The following RAET1L variants were observed in gnomAD, a reference collection of about 807,000 sequenced individuals.
RAET1L encodes the protein UL16-binding protein 6.
In RAET1L, 16 loss-of-function variants were observed where a neutral mutation model predicts 23.9. That is an observed-to-expected ratio of 0.67 (90% confidence interval 0.45 to 1.02). The LOEUF (loss-of-function observed/expected upper bound fraction) is 1.02, where lower values mean the gene tolerates loss of function less well. Ranked by LOEUF, RAET1L falls within the 50% of genes least tolerant of loss-of-function variation. RAET1L has a pLI of 0.00. For missense variants in RAET1L, 233 were observed against 304.0 expected (o/e 0.77, Z 1.74); for synonymous variants, 70 against 111.2 (o/e 0.63, Z 2.33).
chr6:150,021,401 C>T (rs1214157429), intron 2 of RAET1L, among the ~76,000 whole-genome samples: 11 of 137,712 alleles, frequency 8.0e-5, no homozygotes, highest in Admixed American at 1.5e-4. Flanking sequence ...TGCAGTGGCG[C>T]GATCTCGGCT....
At chr6:150,023,855 A>G (rs1232432237) in intron 1 of RAET1L, among the ~76,000 whole-genome samples, 8 of 152,222 alleles carry the variant, frequency 5.3e-5, no homozygotes, top group Non-Finnish European at 1.2e-4. Context: ...ATGCATATAA[A>G]GAAGGCCCCA....
intron 1 of RAET1L, 39 bp downstream of exon 1, chr6:150,025,348 T>C (rs1465655649): frequency 1.3e-6 from 2 of 1,572,880 alleles, no homozygotes; most frequent in Non-Finnish European, 1.7e-6. Context: ...TCCCTCAGGT[T>C]TGGCCCCCGC....
chr6:150,025,486 G>A lies in RAET1L; in HGVS notation c.-15C>T, dbSNP rs1396031997. ...GCTGCTGCCATTGGGGACCAGGAGG[G>A]CTGGGGACAAGAGATTTAATCAAGG... is the stretch of plus-strand genomic sequence containing the variant. On this transcript the variant is annotated 5_prime_UTR_variant, in exon 1 of 5. Transcript: ENST00000367341. The A allele has an allele frequency of 1.2e-6, 2 of 1,607,568 alleles. No homozygotes were observed. Among genetic ancestry groups the A allele is most frequent in the African/African-American group, 2.7e-5 (2 of 74,784 alleles).
intron 1 of RAET1L, among the ~76,000 whole-genome samples, chr6:150,023,235 G>C (rs904632418): frequency 6.6e-6 from 1 of 152,106 alleles, no homozygotes; most frequent in Non-Finnish European, 1.5e-5. Context: ...ATAGAACAAA[G>C]GGGTCCAAAG....
intron 3 of RAET1L, among the ~76,000 whole-genome samples, 170 bp downstream of exon 3, chr6:150,020,735 G>A (rs1358264680): frequency 6.6e-6 from 1 of 152,088 alleles, no homozygotes; most frequent in Admixed American, 6.5e-5. Flanking sequence ...AGGAAGAGGA[G>A]GGTGGGAGGG....
intron 2 of RAET1L, among the ~76,000 whole-genome samples, chr6:150,021,488 A>G (rs1368512759): frequency 7.0e-6 from 1 of 142,392 alleles, no homozygotes; most frequent in Non-Finnish European, 1.6e-5. Flanking sequence ...TTTAGTACAG[A>G]CAGGGTTTCA....
chr6:150,018,928 A>C (rs1779854418), intron 4 of RAET1L, 73 bp from the exon 5 acceptor site: 5 of 272,318 alleles, frequency 1.8e-5, no homozygotes. Flanking sequence ...ATCTTTCCCT[A>C]GTCACTCTAT....
In RAET1L at chr6:150,024,327, C is replaced by T. The variant is rs60619591; in HGVS notation, c.85+1060G>A. 6.6e-5 allele frequency among the ~76,000 whole-genome samples: 10 copies of T among 152,252 alleles called. No homozygotes were observed. In the East Asian group the frequency reaches 1.9e-3, roughly 29 times the overall value. ...GGATGGGGCACTGGGACACTGTAAT[C>T]CCCTGATCTGGGATCAGCAACCTAG... On this transcript the variant is annotated intron_variant, in intron 1 of 4. Coordinates refer to ENST00000367341, the MANE Select transcript of RAET1L (RefSeq NM_130900.3).
rs1779845784 is a variant in RAET1L at position 150,018,371 on chromosome 6, C to T, written c.*507G>A. On this transcript the variant is annotated 3_prime_UTR_variant, in exon 5 of 5. Coordinates refer to ENST00000367341, the MANE Select transcript of RAET1L (RefSeq NM_130900.3). ...ATAACTCTTTATTTAAATATCAGTA[C>T]ACAGCAATAAATTACTAAAGGAAAC... The T allele has an allele frequency of 6.6e-6, 1 of 152,142 alleles. No individual in the cohort carries two copies. Among genetic ancestry groups the T allele is most frequent in the African/African-American group, 2.4e-5 (1 of 41,420 alleles). The allele number at this position is 152,142 out of a possible 1,614,324, so 9.4% of individuals were successfully genotyped here.
chr6:150,024,084 C>T (rs565342653), intron 1 of RAET1L, among the ~76,000 whole-genome samples: 2 of 152,254 alleles, frequency 1.3e-5, no homozygotes, highest in South Asian at 2.1e-4. Context: ...CACCACGTGG[C>T]TGCACCCACT....
chr6:150,020,435 C>T (rs990914592), intron 3 of RAET1L, among the ~76,000 whole-genome samples, 196 bp from the exon 4 acceptor site: 2 of 152,104 alleles, frequency 1.3e-5, no homozygotes, highest in African/African-American at 4.8e-5. Flanking sequence ...GGAGCTCACA[C>T]AGCTGCTGAG....
chr6:150,018,450 G>T lies in RAET1L; in HGVS notation c.*428C>A, dbSNP rs931875912. On this transcript the variant is annotated 3_prime_UTR_variant, in exon 5 of 5. Coordinates refer to ENST00000367341, the MANE Select transcript of RAET1L (RefSeq NM_130900.3). ...AAATAATTAAACAATTCTCTTTCAG[G>T]ACATGGAAAGAATCCCTGGAGGTCT... 7 of 152,042 alleles carry T rather than the reference G, an allele frequency of 4.6e-5. No homozygotes were observed. Among genetic ancestry groups the T allele is most frequent in the African/African-American group, 1.7e-4 (7 of 41,380 alleles). The allele number at this position is 152,042 out of a possible 1,614,324, so 9.4% of individuals were successfully genotyped here.
rs973957014 is a variant in RAET1L, at chr6:150,021,234, C to A, written c.350-48G>T. 1.4e-5 allele frequency: 22 copies of A among 1,567,162 alleles called. No individual in the cohort carries two copies. The East Asian group carries it at 3.6e-4, about 26-fold the overall frequency. ...AGCTCTGATCTTGACAAATTTTGCA[C>A]CCCCATCCTGTTCCCCTTACAATTT... On this transcript the variant is annotated intron_variant, in intron 2 of 4. Coordinates refer to ENST00000367341, the MANE Select transcript of RAET1L (RefSeq NM_130900.3).
intron 1 of RAET1L, among the ~76,000 whole-genome samples, chr6:150,024,926 G>A (rs971150882): frequency 2.6e-5 from 4 of 152,088 alleles, no homozygotes; most frequent in Admixed American, 2.6e-4. Context: ...AGGGAGTCCT[G>A]GGGGTGCTGG....
chr6:150,020,348 C>A (rs1400454106), intron 3 of RAET1L, 109 bp from the exon 4 acceptor site: 5 of 1,594,356 alleles, frequency 3.1e-6, no homozygotes, highest in Non-Finnish European at 4.3e-6. Context: ...AAGTTTTGTC[C>A]CCTCCCCCCT....
chr6:150,019,126 C>T (rs1033910069), intron 4 of RAET1L, among the ~76,000 whole-genome samples: 5 of 152,160 alleles, frequency 3.3e-5, no homozygotes, highest in African/African-American at 1.2e-4. Context: ...CGCTCCCTCA[C>T]TCAAGGCCCT....
intron 2 of RAET1L, among the ~76,000 whole-genome samples, 194 bp from the exon 3 acceptor site, chr6:150,021,380 G>C (rs1232349639): frequency 7.0e-6 from 1 of 142,946 alleles, no homozygotes; most frequent in African/African-American, 2.6e-5. Flanking sequence ...TGTCACCCAG[G>C]CTGGATGGAG....
chr6:150,020,382 G>A (rs1779870283), intron 3 of RAET1L, 143 bp from the exon 4 acceptor site: 1 of 1,496,014 alleles, frequency 6.7e-7, no homozygotes, highest in Admixed American at 1.9e-5. Context: ...CAGTATGACA[G>A]GTCCTGGCTT....
chr6:150,019,537 T>C (rs1425204085), intron 4 of RAET1L, among the ~76,000 whole-genome samples: 9 of 150,708 alleles, frequency 6.0e-5, no homozygotes, highest in African/African-American at 2.2e-4. Context: ...AAAATCCTTC[T>C]CTTGAGCAGC....
Sources: gnomAD v4.1 joint callset for allele counts (sites outside exome capture counted in the v4.1 genomes callset) on GRCh38, gnomAD v4.1.1 for gene constraint, MANE v1.5 for transcripts, NCBI Gene and HGNC (gene_info 2026-07-23, HGNC 2026-07-21) for gene names.